Variants in KSR2 observed in about 807,000 individuals in gnomAD.
The protein encoded by KSR2 is kinase suppressor of ras 2.
A neutral mutation model predicts 107.8 loss-of-function variants in KSR2; 25 were observed. The observed-to-expected ratio is 0.23, with a 90% confidence interval of 0.17 to 0.32. The LOEUF is 0.32. Among genes scored for constraint, KSR2 ranks in the 10% least tolerant of loss-of-function variants. The pLI is 1.00. For synonymous variants in KSR2, 480 were observed against 507.0 expected, an observed-to-expected ratio of 0.95 and a Z score of 0.71; for missense variants, 887 against 1,268.9, an observed-to-expected ratio of 0.70 and a Z score of 4.57.
chr12:117,570,102 A>C (rs1878781470), intron 7 of KSR2, among the ~76,000 whole-genome samples: 1 of 151,214 alleles, frequency 6.6e-6, no homozygotes, highest in Non-Finnish European at 1.5e-5. Flanking sequence ...TCCCAGGTTC[A>C]CGCCATTCTC....
chr12:117,749,588 T>G (rs1311388678), intron 4 of KSR2, among the ~76,000 whole-genome samples: 2 of 152,098 alleles, frequency 1.3e-5, no homozygotes, highest in Non-Finnish European at 2.9e-5. Flanking sequence ...CCACAAAAAT[T>G]CATCAAGAAG....
chr12:117,783,264 CCT>C (rs1441041101), intron 3 of KSR2, among the ~76,000 whole-genome samples: 4 of 152,106 alleles, frequency 2.6e-5, no homozygotes, highest in Non-Finnish European at 4.4e-5. Context: ...GGATGTAGCC[CCT>C]GACCCCAAGG....
chr12:117,499,510 T>A (rs775453457), intron 14 of KSR2, among the ~76,000 whole-genome samples: 3 of 152,212 alleles, frequency 2.0e-5, no homozygotes, highest in Non-Finnish European at 2.9e-5. Context: ...GGTGGGGAAC[T>A]GAAATGAGAA....
In KSR2 at chr12:117,466,991, G is replaced by T; in HGVS notation, c.*208C>A. 1 of 473,852 alleles carries T rather than the reference G, an allele frequency of 2.1e-6. No homozygotes were observed. Among genetic ancestry groups the T allele is most frequent in the Non-Finnish European group, 3.7e-6 (1 of 269,416 alleles). The allele number at this position is 473,852 out of a possible 1,614,324, so 29.4% of individuals were successfully genotyped here. On this transcript the variant is annotated 3_prime_UTR_variant, in exon 20 of 20. Transcript: ENST00000339824. ...CCCTGGCTGGTCCGGTTCAGTCCTA[G>T]CTCGGGGGTCCCCAACCCTGCCCGA...
chr12:117,485,120 G>A (rs1872389745), intron 15 of KSR2, among the ~76,000 whole-genome samples: 1 of 152,124 alleles, frequency 6.6e-6, no homozygotes, highest in African/African-American at 2.4e-5. Context: ...ACCTCCAAAT[G>A]AGAAATAAAA....
At chr12:117,796,787 C>G (rs920965655) in intron 3 of KSR2, among the ~76,000 whole-genome samples, 1 of 152,148 alleles carries the variant, frequency 6.6e-6, no homozygotes, top group African/African-American at 2.4e-5. Flanking sequence ...GCTCAATTAA[C>G]CCCGTAGATC....
At chr12:117,793,229 TGC>T (rs1890345420) in intron 3 of KSR2, among the ~76,000 whole-genome samples, 3 of 123,694 alleles carry the variant, frequency 2.4e-5, no homozygotes, top group African/African-American at 7.1e-5. Context: ...CACACCAACA[TGC>T]ACACACACCA....
chr12:117,569,021 G>A (rs904242040), intron 7 of KSR2, among the ~76,000 whole-genome samples: 5 of 152,160 alleles, frequency 3.3e-5, no homozygotes, highest in Non-Finnish European at 7.4e-5. Context: ...CGCAGCAGCT[G>A]CGACATCAGC....
chr12:117,930,881 T>A (rs981261778), intron 1 of KSR2, among the ~76,000 whole-genome samples: 1 of 152,028 alleles, frequency 6.6e-6, no homozygotes, highest in Non-Finnish European at 1.5e-5. Context: ...ACCACCGCAC[T>A]CCAGCCTGGG....
chr12:117,612,104 G>A (rs1881635256), intron 5 of KSR2, among the ~76,000 whole-genome samples: 1 of 152,104 alleles, frequency 6.6e-6, no homozygotes, highest in Non-Finnish European at 1.5e-5. Flanking sequence ...TCTAAAAAAT[G>A]GTTAAAGTGG....
At chr12:117,932,087 G>A (rs997644169) in intron 1 of KSR2, among the ~76,000 whole-genome samples, 2 of 151,632 alleles carry the variant, frequency 1.3e-5, no homozygotes, top group Admixed American at 6.6e-5. Context: ...AGGAGTTTGA[G>A]ACCAACCTGG....
chr12:117,919,337 G>T (rs1008576732), intron 1 of KSR2, among the ~76,000 whole-genome samples: 1 of 152,126 alleles, frequency 6.6e-6, no homozygotes, highest in African/African-American at 2.4e-5. Context: ...AGGTTGCTTT[G>T]CAGGACTTCC....
chr12:117,913,978 A>G (rs1895101215), intron 1 of KSR2, among the ~76,000 whole-genome samples: 1 of 152,072 alleles, frequency 6.6e-6, no homozygotes, highest in Non-Finnish European at 1.5e-5. Flanking sequence ...TTCACTCTCA[A>G]TGGGGCAACT....
chr12:117,481,971 A>T (rs933454816), intron 16 of KSR2, among the ~76,000 whole-genome samples: 6 of 152,148 alleles, frequency 3.9e-5, no homozygotes, highest in Non-Finnish European at 8.8e-5. Context: ...GGATCCCTAG[A>T]GCTACACTGG....
chr12:117,486,239 G>C (rs145598730), intron 14 of KSR2, among the ~76,000 whole-genome samples: 1 of 152,330 alleles, frequency 6.6e-6, no homozygotes, highest in East Asian at 1.9e-4. Flanking sequence ...TAGATAAAGA[G>C]TTTTTCAAAC....
intron 5 of KSR2, among the ~76,000 whole-genome samples, chr12:117,611,221 C>T (rs1351705303): frequency 3.3e-5 from 5 of 152,082 alleles, no homozygotes; most frequent in Non-Finnish European, 5.9e-5. Flanking sequence ...CTCAGCACTC[C>T]TGTGGGCTTG....
At position 117,675,223 on chromosome 12, in the gene KSR2, AG is replaced by A. The variant is rs546908580; in HGVS notation, c.987-7566del. On this transcript the variant is annotated intron_variant, in intron 4 of 19. Transcript: ENST00000339824. ...TAGGGCCCATGCCCATCACACAAAA[AG>A]GGCCTGTATCCTCACCATCTAGCAT... 1.3e-3 allele frequency among the ~76,000 whole-genome samples: 193 copies of A among 152,286 alleles called. 1 individual carries two copies. Among genetic ancestry groups the A allele is most frequent in the African/African-American group, 4.2e-3 (173 of 41,566 alleles).
chr12:117,559,041 A>AGGAT (rs59506127), intron 7 of KSR2, among the ~76,000 whole-genome samples: 70,406 of 145,224 alleles, frequency 0.48, 17,149 homozygotes, highest in Middle Eastern at 0.6. Context: ...GATGGATGGA[A>AGGAT]GGATGGATGG....
intron 3 of KSR2, among the ~76,000 whole-genome samples, chr12:117,767,521 C>T (rs1189701704): frequency 6.6e-6 from 1 of 151,950 alleles, no homozygotes; most frequent in East Asian, 2.0e-4. Flanking sequence ...GTTAAAGAGG[C>T]TGGGCACAGT....
Sources: allele counts gnomAD v4.1 joint callset (sites outside exome capture counted in the v4.1 genomes callset), GRCh38; gene constraint gnomAD v4.1.1; transcripts MANE v1.5; gene names NCBI Gene and HGNC (gene_info 2026-07-23, HGNC 2026-07-21).